GNA14: variants seen among roughly 807,000 people sequenced by gnomAD.
The protein encoded by GNA14 is G protein subunit alpha 14, also known as guanine nucleotide-binding protein subunit alpha-14.
Under a neutral mutation model 42.0 loss-of-function variants are expected in GNA14, and 50 were observed. That is an observed-to-expected ratio of 1.19 (90% CI 0.95 to 1.51). The LOEUF (loss-of-function observed/expected upper bound fraction) is 1.51. GNA14 is among the 40% of genes most tolerant of loss of function. GNA14 has a pLI of 0.00. For synonymous variants in GNA14, 173 were observed against 163.1 expected (o/e 1.06, Z -0.46); for missense variants, 473 against 446.2 (o/e 1.06, Z -0.54).
At chr9:77,425,965 C>T (rs889151554) in intron 5 of GNA14, among the ~76,000 whole-genome samples, 2 of 152,108 alleles carry the variant, frequency 1.3e-5, no homozygotes, top group African/African-American at 2.4e-5. Flanking sequence ...TTCTCCAGCC[C>T]AAAACTCACA....
At chr9:77,614,982 G>T (rs2117954291) in intron 1 of GNA14, among the ~76,000 whole-genome samples, 1 of 152,326 alleles carries the variant, frequency 6.6e-6, no homozygotes, top group South Asian at 2.1e-4. Flanking sequence ...AAAGGGTTAT[G>T]AACTTGGAAA....
chr9:77,590,803 T>G (rs1564061147), intron 1 of GNA14, among the ~76,000 whole-genome samples: 1 of 151,674 alleles, frequency 6.6e-6, no homozygotes, highest in African/African-American at 2.4e-5. Flanking sequence ...TTCAGAGAAT[T>G]AAGAAATTCT....
chr9:77,637,535 A>G (rs1824201803), intron 1 of GNA14, among the ~76,000 whole-genome samples: 1 of 152,250 alleles, frequency 6.6e-6, no homozygotes, highest in South Asian at 2.1e-4. Flanking sequence ...ATTAAAAAGT[A>G]TATTTTAACT....
chr9:77,588,755 A>C (rs1823344300), intron 1 of GNA14, among the ~76,000 whole-genome samples: 1 of 152,204 alleles, frequency 6.6e-6, no homozygotes, highest in Non-Finnish European at 1.5e-5. Flanking sequence ...TCTGAGTCAG[A>C]GGTCACCTTA....
At chr9:77,603,956 CA>C (rs67044542) in intron 1 of GNA14, among the ~76,000 whole-genome samples, 8,553 of 81,668 alleles carry the variant, frequency 0.1, 111 homozygotes, top group East Asian at 0.17. Context: ...AAAAAAAAAA[CA>C]AAAAAAAAAA....
chr9:77,520,374 C>T (rs1423951175), intron 2 of GNA14, among the ~76,000 whole-genome samples: 5 of 152,186 alleles, frequency 3.3e-5, no homozygotes, highest in Non-Finnish European at 7.3e-5. Context: ...ACCTCTGTCG[C>T]CTTTTTATCG....
intron 2 of GNA14, among the ~76,000 whole-genome samples, chr9:77,474,754 T>C (rs553626750): frequency 7.9e-5 from 12 of 152,316 alleles, no homozygotes; most frequent in African/African-American, 2.2e-4. Context: ...ACAATACCCA[T>C]ACTGATGTAT....
intron 2 of GNA14, among the ~76,000 whole-genome samples, chr9:77,459,449 G>A (rs988683361): frequency 7.2e-5 from 11 of 151,934 alleles, no homozygotes; most frequent in African/African-American, 2.4e-4. Context: ...CTCGCCTCCT[G>A]TCTGCTTCCA....
At chr9:77,470,881 C>A (rs1564024172) in intron 2 of GNA14, among the ~76,000 whole-genome samples, 1 of 152,080 alleles carries the variant, frequency 6.6e-6, no homozygotes, top group South Asian at 2.1e-4. Flanking sequence ...CACTTTTAAA[C>A]CATCAGATCT....
intron 1 of GNA14, among the ~76,000 whole-genome samples, chr9:77,605,919 A>T (rs1823638854): frequency 6.6e-6 from 1 of 152,202 alleles, no homozygotes; most frequent in Admixed American, 6.5e-5. Flanking sequence ...ACTCCAAAAC[A>T]AAACTAGGTA....
At position 77,569,912 on chromosome 9, in the gene GNA14, G is replaced by A. The variant is rs146131952; in HGVS notation, c.125-40659C>T. 4.8e-3 allele frequency among the ~76,000 whole-genome samples: 728 copies of A among 151,980 alleles called. 7 individuals are homozygous for A. The highest frequency in any genetic ancestry group is 0.017 in the African/African-American group (688 of 41,452). ...CTCCCCAACAGCTGGGATTACAGGC[G>A]TGTGCCACCATGTCTGGCTAATTTT... On this transcript the variant is annotated intron_variant, in intron 1 of 6. Coordinates refer to ENST00000341700, the MANE Select transcript of GNA14 (RefSeq NM_004297.4).
At chr9:77,480,076 T>C (rs1282721831) in intron 2 of GNA14, among the ~76,000 whole-genome samples, 1 of 152,174 alleles carries the variant, frequency 6.6e-6, no homozygotes, top group African/African-American at 2.4e-5. Context: ...GGCCAGAACT[T>C]CCAACACTAT....
chr9:77,542,657 T>C (rs1162646131), intron 1 of GNA14, among the ~76,000 whole-genome samples: 2 of 152,130 alleles, frequency 1.3e-5, no homozygotes, highest in African/African-American at 4.8e-5. Flanking sequence ...GTCCATGCTG[T>C]TGTTCCTGGT....
At chr9:77,457,501 TTATAGACAGCTC>T (rs1328983232) in intron 2 of GNA14, among the ~76,000 whole-genome samples, 1 of 152,210 alleles carries the variant, frequency 6.6e-6, no homozygotes, top group Non-Finnish European at 1.5e-5. Flanking sequence ...CATCAGTGTC[TTATAGACAGCTC>T]TGTGTGATGG....
chr9:77,611,679 C>T (rs574635062), intron 1 of GNA14, among the ~76,000 whole-genome samples: 8 of 152,076 alleles, frequency 5.3e-5, no homozygotes, highest in Admixed American at 1.3e-4. Flanking sequence ...TTTTCTTACA[C>T]GTATGATCAT....
At chr9:77,485,974 A>C (rs1836653713) in intron 2 of GNA14, among the ~76,000 whole-genome samples, 1 of 152,132 alleles carries the variant, frequency 6.6e-6, no homozygotes, top group South Asian at 2.1e-4. Flanking sequence ...ATTAGTTCCA[A>C]CTTAATGTCT....
At chr9:77,492,241 C>T (rs921047044) in intron 2 of GNA14, among the ~76,000 whole-genome samples, 2 of 151,434 alleles carry the variant, frequency 1.3e-5, no homozygotes, top group African/African-American at 2.4e-5. Flanking sequence ...AGTGATGCAC[C>T]TCAAAGCAAC....
intron 2 of GNA14, among the ~76,000 whole-genome samples, chr9:77,489,209 T>C (rs747643882): frequency 2.6e-5 from 4 of 151,578 alleles, no homozygotes; most frequent in Non-Finnish European, 4.4e-5. Context: ...AGACAGGCGG[T>C]GTGAAAATAC....
chr9:77,621,650 A>C (rs1823924544), intron 1 of GNA14, among the ~76,000 whole-genome samples: 1 of 152,214 alleles, frequency 6.6e-6, no homozygotes, highest in African/African-American at 2.4e-5. Flanking sequence ...CATTACCCTA[A>C]ACCAATGGCA....
Sources: allele counts gnomAD v4.1 joint callset (sites outside exome capture counted in the v4.1 genomes callset), GRCh38; gene constraint gnomAD v4.1.1; transcripts MANE v1.5; gene names NCBI Gene and HGNC (gene_info 2026-07-23, HGNC 2026-07-21).